Variants in TRIM2 observed in about 807,000 individuals in gnomAD.
The protein encoded by TRIM2 is tripartite motif-containing protein 2.
TRIM2 carries 20 observed loss-of-function variants against 75.2 expected under a neutral mutation model. The observed-to-expected ratio is 0.27, with a 90% CI of 0.19 to 0.39. The LOEUF (loss-of-function observed/expected upper bound fraction) is 0.39. TRIM2 is among the 10% of genes least tolerant of loss of function. The pLI, the probability that TRIM2 is intolerant of heterozygous loss-of-function variation, is 1.00. For missense variants in TRIM2, 660 were observed against 990.8 expected, an observed-to-expected ratio of 0.67 and a Z score of 4.48; for synonymous variants, 373 against 388.3, an observed-to-expected ratio of 0.96 and a Z score of 0.46.
chr4:153,271,779 C>A (rs1756732078), intron 2 of TRIM2, among the ~76,000 whole-genome samples: 1 of 152,162 alleles, frequency 6.6e-6, no homozygotes, highest in African/African-American at 2.4e-5. Context: ...TGTCCCTGGG[C>A]ACACATGGGA....
chr4:153,275,232 A>G (rs968052180), intron 2 of TRIM2, among the ~76,000 whole-genome samples: 7 of 152,214 alleles, frequency 4.6e-5, no homozygotes, highest in Non-Finnish European at 1.0e-4. Flanking sequence ...AATGAGCAGC[A>G]TATGTGTGAG....
At chr4:153,229,520 A>C (rs1315790705) in intron 1 of TRIM2, among the ~76,000 whole-genome samples, 1 of 152,220 alleles carries the variant, frequency 6.6e-6, no homozygotes, top group African/African-American at 2.4e-5. Context: ...GGCCTCCCAA[A>C]GTGCTGGGAT....
intron 1 of TRIM2, among the ~76,000 whole-genome samples, chr4:153,172,014 T>C (rs1229731633): frequency 6.6e-6 from 1 of 152,114 alleles, no homozygotes; most frequent in East Asian, 1.9e-4. Flanking sequence ...CATATTCAAA[T>C]TGATTACCTC....
chr4:153,195,162 T>C (rs1386728439), intron 1 of TRIM2, among the ~76,000 whole-genome samples: 4 of 152,066 alleles, frequency 2.6e-5, no homozygotes, highest in Non-Finnish European at 5.9e-5. Flanking sequence ...AGAGACACCA[T>C]AGAGGGAAGG....
intron 6 of TRIM2, among the ~76,000 whole-genome samples, chr4:153,302,783 C>A (rs1764189062): frequency 6.6e-6 from 1 of 152,214 alleles, no homozygotes; most frequent in African/African-American, 2.4e-5. Flanking sequence ...CCTTCTCTTT[C>A]AAAATACACT....
intron 1 of TRIM2, among the ~76,000 whole-genome samples, chr4:153,173,279 C>T (rs545563407): frequency 3.5e-4 from 54 of 152,278 alleles, no homozygotes; most frequent in African/African-American, 1.2e-3. Flanking sequence ...GTAATCCCAA[C>T]GCTTTGGGGT....
chr4:153,319,354 C>T (rs995304471), intron 8 of TRIM2, among the ~76,000 whole-genome samples: 12 of 152,192 alleles, frequency 7.9e-5, no homozygotes, highest in Non-Finnish European at 5.9e-5. Flanking sequence ...TCTAAAATAT[C>T]TCATCTCTTT....
At chr4:153,273,270 C>CATTTTTTTTTTTTTTTT (rs1757187818) in intron 2 of TRIM2, among the ~76,000 whole-genome samples, 15 of 57,390 alleles carry the variant, frequency 2.6e-4, no homozygotes, top group African/African-American at 1.0e-3. Flanking sequence ...TACAGTCACT[C>CATTTTTTTTTTTTTTTT]TTTTTTTTTT....
At chr4:153,179,507 G>A (rs1190367462) in intron 1 of TRIM2, among the ~76,000 whole-genome samples, 1 of 152,098 alleles carries the variant, frequency 6.6e-6, no homozygotes, top group Non-Finnish European at 1.5e-5. Flanking sequence ...ACTCCTGCAA[G>A]TAGGAGCCTC....
At chr4:153,181,215 C>T (rs1294717567) in intron 1 of TRIM2, among the ~76,000 whole-genome samples, 1 of 151,992 alleles carries the variant, frequency 6.6e-6, no homozygotes, top group Non-Finnish European at 1.5e-5. Context: ...AAATTGAGGC[C>T]CATAGCAGCT....
intron 1 of TRIM2, among the ~76,000 whole-genome samples, chr4:153,235,986 C>A (rs970134021): frequency 3.3e-5 from 5 of 152,060 alleles, no homozygotes; most frequent in Non-Finnish European, 7.4e-5. Context: ...TGGGAGGGAT[C>A]CGGTGGGGAT....
At chr4:153,303,709 T>C (rs1341223419) in intron 6 of TRIM2, among the ~76,000 whole-genome samples, 1 of 152,264 alleles carries the variant, frequency 6.6e-6, no homozygotes, top group Non-Finnish European at 1.5e-5. Flanking sequence ...ATTAATTTTA[T>C]GCTTAAAGAT....
intron 6 of TRIM2, among the ~76,000 whole-genome samples, chr4:153,297,261 T>C (rs1396215505): frequency 6.6e-6 from 1 of 152,174 alleles, no homozygotes; most frequent in African/African-American, 2.4e-5. Context: ...CACGGCCAGA[T>C]GTGCGATATG....
Position 153,244,293 on chromosome 4 carries a change from TC to T in TRIM2, c.31-26040del, listed in dbSNP as rs1560873503. The stretch of plus-strand genomic sequence containing the variant: ...CTCCTCCTCCTCCTCCTCCTCCTCC[TC>T]CTCCTCCTCCTCCTCCTCCTCCTCC... On this transcript the variant is annotated intron_variant, in intron 1 of 11. Coordinates refer to ENST00000338700, the MANE Select transcript of TRIM2 (RefSeq NM_015271.5). Among the ~76,000 whole-genome samples the T allele has an allele frequency of 4.8e-4, 17 of 35,218 alleles. 4 individuals are homozygous for T. In the South Asian group the frequency reaches 6.6e-3, roughly 14 times the overall value. The allele number at this position is 35,218 out of a possible 152,430, so 23.1% of individuals were successfully genotyped here.
At position 153,213,212 on chromosome 4, in the gene TRIM2, G is replaced by T. The variant is rs140776366; in HGVS notation, c.30+8652G>T. 5.9e-5 allele frequency among the ~76,000 whole-genome samples: 9 copies of T among 152,174 alleles called. No homozygotes were observed. The East Asian group carries it at 1.5e-3, about 26-fold the overall frequency. ...ATTGTTGAGAAAATTGTCCCAAGCCGCACAGCTGGTCAGGGGCAGGCCAGC... is the reference window on the plus strand; with the variant it reads ...ATTGTTGAGAAAATTGTCCCAAGCCTCACAGCTGGTCAGGGGCAGGCCAGC... On this transcript the variant is annotated intron_variant, in intron 1 of 11. Coordinates refer to ENST00000338700, the MANE Select transcript of TRIM2 (RefSeq NM_015271.5).
chr4:153,193,940 C>T (rs947251615), intron 1 of TRIM2, among the ~76,000 whole-genome samples: 5 of 152,024 alleles, frequency 3.3e-5, no homozygotes, highest in East Asian at 1.9e-4. Flanking sequence ...AACAGGGATG[C>T]GGGGCCCCCA....
chr4:153,224,759 C>G (rs1741668018), intron 1 of TRIM2, among the ~76,000 whole-genome samples: 1 of 152,198 alleles, frequency 6.6e-6, no homozygotes, highest in Non-Finnish European at 1.5e-5. Flanking sequence ...CTTGCATCAT[C>G]ATTTTAATGC....
At chr4:153,226,837 A>G (rs973963037) in intron 1 of TRIM2, among the ~76,000 whole-genome samples, 4 of 152,218 alleles carry the variant, frequency 2.6e-5, no homozygotes, top group Non-Finnish European at 5.9e-5. Flanking sequence ...TCCTTTTAGA[A>G]TGTTCTGCCC....
At chr4:153,187,096 G>A (rs965779668) in intron 1 of TRIM2, among the ~76,000 whole-genome samples, 6 of 152,156 alleles carry the variant, frequency 3.9e-5, no homozygotes, top group African/African-American at 9.7e-5. Flanking sequence ...CAGGTCGTAC[G>A]TATGATAATT....
Sources: allele counts gnomAD v4.1 joint callset (sites outside exome capture counted in the v4.1 genomes callset), GRCh38; gene constraint gnomAD v4.1.1; transcripts MANE v1.5; gene names NCBI Gene and HGNC (gene_info 2026-07-23, HGNC 2026-07-21).